Variants in PRTG observed in about 807,000 individuals in gnomAD.
PRTG encodes the protein protogenin.
Under a neutral mutation model 122.5 loss-of-function variants are expected in PRTG, and 67 were observed. That is an observed-to-expected ratio of 0.55 (90% CI 0.45 to 0.67). The LOEUF (loss-of-function observed/expected upper bound fraction) is 0.67. Among genes scored for constraint, PRTG ranks in the 30% least tolerant of loss-of-function variants. The pLI, the probability that PRTG is intolerant of heterozygous loss-of-function variation, is 0.00. For missense variants in PRTG, 1,435 were observed against 1,415.4 expected, an observed-to-expected ratio of 1.01 and a Z score of -0.22; for synonymous variants, 554 against 501.1, an observed-to-expected ratio of 1.11 and a Z score of -1.41.
At chr15:55,654,699 G>A (rs1312222996) in intron 11 of PRTG, among the ~76,000 whole-genome samples, 1 of 152,118 alleles carries the variant, frequency 6.6e-6, no homozygotes, top group Non-Finnish European at 1.5e-5. Flanking sequence ...ATACATCATT[G>A]CCTTACAAAC....
chr15:55,655,848 T>A (rs1000484229), intron 11 of PRTG: 3 of 152,240 alleles, frequency 2.0e-5, no homozygotes, highest in Non-Finnish European at 4.4e-5. Flanking sequence ...CTAATCATTG[T>A]AAAACCATTA....
intron 1 of PRTG, 90 bp downstream of exon 1, chr15:55,742,748 C>A: frequency 6.8e-7 from 1 of 1,477,332 alleles, no homozygotes; most frequent in African/African-American, 1.4e-5. Flanking sequence ...CCGCGCGCTC[C>A]CCACGCCCCA....
intron 11 of PRTG, among the ~76,000 whole-genome samples, 154 bp downstream of exon 11, chr15:55,672,291 T>C (rs1420074771): frequency 1.3e-5 from 2 of 152,246 alleles, no homozygotes; most frequent in Non-Finnish European, 2.9e-5. Flanking sequence ...GACCAATCAC[T>C]GACTTCAGCA....
At chr15:55,622,694 C>G (rs530802194) in intron 18 of PRTG, among the ~76,000 whole-genome samples, 1 of 151,348 alleles carries the variant, frequency 6.6e-6, no homozygotes, top group Non-Finnish European at 1.5e-5. Context: ...CCCGGCCACA[C>G]CTGGCTAATT....
At chr15:55,738,685 G>T in intron 2 of PRTG, 3 of 297,170 alleles carry the variant, frequency 1.0e-5, no homozygotes, top group East Asian at 1.1e-4. Context: ...ATTACTCCAT[G>T]AAAAAAATAA....
chr15:55,690,544 T>C (rs1315621010), intron 2 of PRTG, among the ~76,000 whole-genome samples: 1 of 152,210 alleles, frequency 6.6e-6, no homozygotes, highest in African/African-American at 2.4e-5. Flanking sequence ...GCTCCAAATC[T>C]GGAACTTTTT....
At chr15:55,663,932 T>C (rs966373639) in intron 11 of PRTG, among the ~76,000 whole-genome samples, 1 of 152,206 alleles carries the variant, frequency 6.6e-6, no homozygotes, top group Non-Finnish European at 1.5e-5. Context: ...CATAATGACA[T>C]TGATATTCAT....
rs374552228 is a variant in PRTG, at chr15:55,701,875, T to C, written c.398-17944A>G. On this transcript the variant is annotated intron_variant, in intron 2 of 19. Coordinates refer to ENST00000389286, the MANE Select transcript of PRTG (RefSeq NM_173814.6). The stretch of plus-strand genomic sequence containing the variant: ...AAGGTTACATAATATATAATTCTAC[T>C]ATTTATATGGTATTCCAGAAAATGC... Among the ~76,000 whole-genome samples the C allele has an allele frequency of 1.4e-4, 21 of 152,312 alleles. No individual in the cohort carries two copies. The South Asian group carries it at 4.1e-3, about 30-fold the overall frequency.
intron 2 of PRTG, among the ~76,000 whole-genome samples, chr15:55,710,347 AT>A (rs1462033554): frequency 1.3e-5 from 2 of 152,168 alleles, no homozygotes; most frequent in African/African-American, 2.4e-5. Context: ...GTTGTTCTAC[AT>A]TTTTCATTAT....
intron 2 of PRTG, among the ~76,000 whole-genome samples, chr15:55,712,318 A>G (rs1490232121): frequency 6.6e-6 from 1 of 152,192 alleles, no homozygotes; most frequent in African/African-American, 2.4e-5. Flanking sequence ...AAGACAGACA[A>G]AGACCCCTGT....
intron 4 of PRTG, 140 bp downstream of exon 4, chr15:55,682,224 T>C (rs1377389331): frequency 4.4e-6 from 3 of 675,088 alleles, no homozygotes; most frequent in African/African-American, 3.7e-5. Flanking sequence ...GCTTAATAAC[T>C]AAAAATGACC....
At chr15:55,686,706 C>T (rs909391119) in intron 2 of PRTG, among the ~76,000 whole-genome samples, 1 of 152,204 alleles carries the variant, frequency 6.6e-6, no homozygotes, top group Non-Finnish European at 1.5e-5. Flanking sequence ...CCCTGTAAAA[C>T]TCTAGCCTTA....
At chr15:55,665,892 T>A (rs1454237413) in intron 11 of PRTG, among the ~76,000 whole-genome samples, 1 of 152,216 alleles carries the variant, frequency 6.6e-6, no homozygotes, top group Non-Finnish European at 1.5e-5. Context: ...AATACTATTT[T>A]GTGACACGTC....
intron 13 of PRTG, 68 bp from the exon 14 acceptor site, chr15:55,638,744 T>A (rs1194588341): frequency 4.1e-5 from 57 of 1,404,094 alleles, no homozygotes; most frequent in Non-Finnish European, 4.9e-5. Flanking sequence ...AATGTCAGCA[T>A]TTCCAAATAG....
intron 11 of PRTG, among the ~76,000 whole-genome samples, chr15:55,662,247 G>A (rs1389324514): frequency 1.3e-5 from 2 of 152,128 alleles, no homozygotes; most frequent in African/African-American, 4.8e-5. Flanking sequence ...CTGATACACT[G>A]CTATACACAG....
intron 2 of PRTG, among the ~76,000 whole-genome samples, chr15:55,716,594 A>G (rs1234104965): frequency 1.3e-5 from 2 of 152,244 alleles, no homozygotes; most frequent in African/African-American, 2.4e-5. Flanking sequence ...TCAAGAACAC[A>G]GTATTTTCCT....
chr15:55,686,291 T>C (rs2141821858), intron 2 of PRTG, among the ~76,000 whole-genome samples: 1 of 152,318 alleles, frequency 6.6e-6, no homozygotes, highest in East Asian at 1.9e-4. Flanking sequence ...TGACCATTAG[T>C]TCTAGTTGTC....
At chr15:55,656,543 T>C (rs2059381244) in intron 11 of PRTG, among the ~76,000 whole-genome samples, 1 of 152,216 alleles carries the variant, frequency 6.6e-6, no homozygotes, top group Non-Finnish European at 1.5e-5. Flanking sequence ...AGTCTCGCTC[T>C]GTTGCCCAGG....
At chr15:55,684,825 AAG>A (rs1176171219) in intron 2 of PRTG, among the ~76,000 whole-genome samples, 1 of 152,186 alleles carries the variant, frequency 6.6e-6, no homozygotes, top group African/African-American at 2.4e-5. Flanking sequence ...TGAGAAAGGA[AAG>A]AGAGAAGCCC....
Sources: gnomAD v4.1 joint callset for allele counts (sites outside exome capture counted in the v4.1 genomes callset) on GRCh38, gnomAD v4.1.1 for gene constraint, MANE v1.5 for transcripts, NCBI Gene and HGNC (gene_info 2026-07-23, HGNC 2026-07-21) for gene names.